RAD52: variants seen among roughly 807,000 people sequenced by gnomAD.
RAD52 encodes the protein RAD52 DNA repair protein, also known as DNA repair protein RAD52 homolog.
A neutral mutation model predicts 55.5 loss-of-function variants in RAD52; 47 were observed. The ratio of observed to expected loss-of-function variants is 0.85; its 90% CI spans 0.67 to 1.08. The LOEUF (loss-of-function observed/expected upper bound fraction) is 1.08. Among genes scored for constraint, RAD52 ranks in the 50% least tolerant of loss-of-function variants. The pLI, the probability that RAD52 is intolerant of heterozygous loss-of-function variation, is 0.00. For synonymous variants in RAD52, 184 were observed against 198.9 expected (o/e 0.92, Z 0.63); for missense variants, 468 against 522.8 (o/e 0.90, Z 1.02).
intron 1 of RAD52, among the ~76,000 whole-genome samples, chr12:987,028 T>C (rs1301572348): frequency 6.6e-6 from 1 of 152,148 alleles, no homozygotes; most frequent in Non-Finnish European, 1.5e-5. Context: ...TGGAGCGCAA[T>C]GGCACAATCT....
At chr12:939,087 G>GTGTGTGTGT (rs751632769) in intron 1 of RAD52, among the ~76,000 whole-genome samples, 638 of 61,806 alleles carry the variant, frequency 0.01, 3 homozygotes, top group African/African-American at 0.018. Flanking sequence ...TGTGTGTGTA[G>GTGTGTGTGT]AGAGAGAGAA....
chr12:925,414 C>T (rs1448899912), intron 7 of RAD52, 36 bp downstream of exon 7: 7 of 1,561,240 alleles, frequency 4.5e-6, no homozygotes, highest in Non-Finnish European at 5.3e-6. Context: ...GAGTTTGCCG[C>T]ATTATCTTCA....
In RAD52 at chr12:912,918, T is replaced by A. The variant is rs1409998176; in HGVS notation, c.*473A>T. 5.1e-6 allele frequency: 1 copy of A among 197,874 alleles called. No individual in the cohort carries two copies. Among genetic ancestry groups the A allele is most frequent in the Non-Finnish European group, 1.0e-5 (1 of 95,704 alleles). 12.3% of individuals were successfully genotyped at this position (197,874 alleles called of 1,614,324 possible). A position where few individuals can be genotyped will look rare whatever the true frequency, so the allele number is the denominator to read the frequency against. On this transcript the variant is annotated 3_prime_UTR_variant, in exon 12 of 12. Transcript: ENST00000358495. ...AGTGAAAAGCACTGCTCCAACCTTT[T>A]TCCTGTCGTGATCCACAGTGCTTAA...
intron 1 of RAD52, among the ~76,000 whole-genome samples, chr12:966,319 T>C (rs1048698005): frequency 6.6e-6 from 1 of 152,034 alleles, no homozygotes; most frequent in East Asian, 1.9e-4. Context: ...CCTTAATATG[T>C]TGTGCTCCCC....
In RAD52 at chr12:916,792, G is replaced by A. The variant is rs2154108960; in HGVS notation, c.572C>T (p.Ala191Val). The change falls in exon 8 of 12, where the codon GCG becomes GTG. Residue 191 changes from alanine (A) to valine (V), a missense_variant. Transcript: ENST00000358495. ...AGACGGTTCAAGATCTTGTCTCTTC[G>A]CTTTAGTTAAATCCACTTCAAGAGG... ...QLPLEVDLTK[A>V]KRQDLEPSVE... 1 of 1,611,658 alleles carries A rather than the reference G, an allele frequency of 6.2e-7. No homozygotes were observed. The highest frequency in any genetic ancestry group is 8.5e-7 in the Non-Finnish European group (1 of 1,178,044).
upstream of RAD52, among the ~76,000 whole-genome samples, chr12:950,586 A>AAT (rs1958503230): frequency 6.7e-6 from 1 of 149,966 alleles, no homozygotes; most frequent in Admixed American, 6.6e-5. Flanking sequence ...AAAAAAAAAA[A>AAT]AGTTTTTGTA....
intron 1 of RAD52, among the ~76,000 whole-genome samples, chr12:960,986 A>G (rs1248982142): frequency 6.6e-6 from 1 of 152,070 alleles, no homozygotes; most frequent in Non-Finnish European, 1.5e-5. Flanking sequence ...GCACTCCAAC[A>G]CATAGAGGCA....
chr12:961,399 A>G (rs928101962), intron 1 of RAD52, among the ~76,000 whole-genome samples: 2 of 151,816 alleles, frequency 1.3e-5, no homozygotes, highest in Non-Finnish European at 2.9e-5. Context: ...TTCCTCCCAA[A>G]TTCATGTGTT....
Position 925,449 on chromosome 12 carries a change from C to T in RAD52, c.543+1G>A. On this transcript the variant is annotated splice_donor_variant, in intron 7 of 11. Coordinates refer to ENST00000358495, the MANE Select transcript of RAD52 (RefSeq NM_134424.4). LOFTEE classifies it high-confidence loss of function. ...ACTCCACTCATCCATGTCTGATATACCTGGCGTGGAAGCTTATTTAGTGAT... is the reference window on the plus strand; with the variant it reads ...ACTCCACTCATCCATGTCTGATATATCTGGCGTGGAAGCTTATTTAGTGAT... 1 of 1,612,112 alleles carries T rather than the reference C, an allele frequency of 6.2e-7. No homozygotes were observed. The highest frequency in any genetic ancestry group is 1.3e-5 in the African/African-American group (1 of 74,980).
At chr12:942,371 GA>G (rs1165954827) in intron 1 of RAD52, among the ~76,000 whole-genome samples, 3 of 152,168 alleles carry the variant, frequency 2.0e-5, no homozygotes, top group Non-Finnish European at 2.9e-5. Context: ...TATCTATATG[GA>G]AAAGAAATTA....
rs144832155 is a variant in RAD52, at chr12:930,065, G to T, written c.266C>A (p.Thr89Lys). 10 of 1,613,712 alleles carry T rather than the reference G, an allele frequency of 6.2e-6. No individual in the cohort carries two copies. Among genetic ancestry groups the T allele is most frequent in the Non-Finnish European group, 8.5e-6 (10 of 1,179,754 alleles). Residue 89 changes from threonine to lysine, a missense_variant, in exon 4 of 12, where the codon ACG (threonine) becomes AAG (lysine). Thr to Lys is a moderately conservative substitution (Grantham distance 78, BLOSUM62 -1). Transcript: ENST00000358495. ...AGCATACTCACCCACATTCTGCTGC[G>T]TGATGGAGTGTGCCCAGCCATTGTA... is the stretch of plus-strand genomic sequence containing the variant. ...FGYNGWAHSITQQNVDFVDLN... is the reference protein window; with the variant it reads ...FGYNGWAHSIKQQNVDFVDLN...
rs1956120390 is a variant in RAD52 at position 912,035 on chromosome 12, G to C, written c.*1356C>G. ...CCAGACCCCCCCTCTCAAAAAAAAA[G>C]TTGTTAAACTGCAAACTTCATTATT... is the stretch of plus-strand genomic sequence containing the variant. On this transcript the variant is annotated 3_prime_UTR_variant, in exon 12 of 12. Transcript: ENST00000358495. 1 of 199,370 alleles carries C rather than the reference G, an allele frequency of 5.0e-6. No individual in the cohort carries two copies. The highest frequency in any genetic ancestry group is 1.0e-5 in the Non-Finnish European group (1 of 96,726). The allele number at this position is 199,370 out of a possible 1,614,324, so 12.4% of individuals were successfully genotyped here.
In RAD52 at chr12:912,020, C is replaced by CG. The variant is rs1050276880; in HGVS notation, c.*1370_*1371insC. The CG allele has an allele frequency of 5.0e-6, 1 of 199,136 alleles. No individual in the cohort carries two copies. 12.3% of individuals were successfully genotyped at this position (199,136 alleles called of 1,614,324 possible). On this transcript the variant is annotated 3_prime_UTR_variant, in exon 12 of 12. Transcript: ENST00000358495. ...GCCTGCGCTACAGAGCCAGACCCCC[C>CG]CTCTCAAAAAAAAAGTTGTTAAACT...
chr12:937,045 A>T (rs1396898242), intron 1 of RAD52, among the ~76,000 whole-genome samples: 1 of 152,196 alleles, frequency 6.6e-6, no homozygotes, highest in Non-Finnish European at 1.5e-5. Context: ...ACACATGCAC[A>T]ACCTAGAAGT....
intron 6 of RAD52, among the ~76,000 whole-genome samples, chr12:926,092 C>A (rs1957019745): frequency 6.6e-6 from 1 of 152,150 alleles, no homozygotes; most frequent in African/African-American, 2.4e-5. Flanking sequence ...GGGGGTGCGG[C>A]CTGGTGGGAG....
chr12:914,927 G>A (rs1024298147), intron 9 of RAD52, among the ~76,000 whole-genome samples: 1 of 152,178 alleles, frequency 6.6e-6, no homozygotes, highest in Non-Finnish European at 1.5e-5. Context: ...GGAGGCCAAG[G>A]TGGGAGGATC....
chr12:990,934 CGTGTGTGTGTGTGTGTGAGTGT>C (rs886511991), upstream of RAD52: 5 of 99,310 alleles, frequency 5.0e-5, no homozygotes, highest in Admixed American at 1.0e-4. Context: ...CCGCAGGGGT[CGTGTGTGTGTGTGTGTGAGTGT>C]GTGTGTGTGT....
At chr12:915,345 TTTGGTTTTTATG>T (rs1419119358) in intron 9 of RAD52, among the ~76,000 whole-genome samples, 1 of 152,192 alleles carries the variant, frequency 6.6e-6, no homozygotes, top group Non-Finnish European at 1.5e-5. Flanking sequence ...GTGGTTCTGT[TTTGGTTTTTATG>T]TTAATTTCAG....
intron 1 of RAD52, among the ~76,000 whole-genome samples, chr12:935,768 G>A (rs1461351153): frequency 4.6e-5 from 7 of 151,554 alleles, no homozygotes; most frequent in Admixed American, 3.9e-4. Flanking sequence ...CAAGAGAATC[G>A]CTTGAACCCG....
Sources: gnomAD v4.1 joint callset for allele counts (sites outside exome capture counted in the v4.1 genomes callset) on GRCh38, gnomAD v4.1.1 for gene constraint, MANE v1.5 for transcripts, NCBI Gene and HGNC (gene_info 2026-07-23, HGNC 2026-07-21) for gene names.